NLGN4Y: variants seen among roughly 807,000 people sequenced by gnomAD.
NLGN4Y encodes neuroligin-4, Y-linked.
Under a neutral mutation model 8.4 loss-of-function variants are expected in NLGN4Y, and 4 were observed. The observed-to-expected ratio is 0.48, with a 90% CI of 0.23 to 1.09. NLGN4Y has a LOEUF of 1.09. Ranked by LOEUF, NLGN4Y falls within the 50% of genes least tolerant of loss-of-function variation. NLGN4Y has a pLI of 0.19. For missense variants in NLGN4Y, 90 were observed against 192.3 expected (o/e 0.47, Z 3.15); for synonymous variants, 35 against 75.6 (o/e 0.46, Z 2.78).
intron 4 of NLGN4Y, among the ~76,000 whole-genome samples, chrY:14,823,730 CTA>C (rs2043132498): frequency 3.0e-5 from 1 of 32,807 alleles, no homozygotes; most frequent in Non-Finnish European, 7.5e-5. Flanking sequence ...AAATTTTTCT[CTA>C]GTTTTTTCTT....
At chrY:14,620,960 C>A in intron 1 of NLGN4Y, among the ~76,000 whole-genome samples, 1 of 33,511 alleles carries the variant, frequency 3.0e-5, no homozygotes, top group Non-Finnish European at 7.4e-5. Flanking sequence ...AGAGGATACC[C>A]TCTCAGGCAT....
At chrY:14,673,179 G>A in intron 2 of NLGN4Y, among the ~76,000 whole-genome samples, 1 of 27,708 alleles carries the variant, frequency 3.6e-5, no homozygotes, top group Middle Eastern at 0.015. Context: ...TTGACAAATG[G>A]GATCTAATTA....
intron 1 of NLGN4Y, among the ~76,000 whole-genome samples, chrY:14,572,183 C>T (rs879994532): frequency 6.0e-5 from 2 of 33,085 alleles, no homozygotes; most frequent in Non-Finnish European, 1.5e-4. Flanking sequence ...ATAAATTACC[C>T]TGGACAGTAT....
At chrY:14,593,835 C>G in intron 1 of NLGN4Y, among the ~76,000 whole-genome samples, 3 of 33,311 alleles carry the variant, frequency 9.0e-5, no homozygotes, top group Non-Finnish European at 1.5e-4. Context: ...CTTCCAATGC[C>G]CAGACTTCAG....
chrY:14,746,725 C>A (rs2081025376), intron 4 of NLGN4Y, among the ~76,000 whole-genome samples: 1 of 33,098 alleles, frequency 3.0e-5, no homozygotes, highest in Non-Finnish European at 7.4e-5. Context: ...TGATCTGATT[C>A]CAAATGTCAA....
chrY:14,633,428 A>G (rs952902008), intron 2 of NLGN4Y, among the ~76,000 whole-genome samples: 2 of 33,640 alleles, frequency 5.9e-5, no homozygotes, highest in South Asian at 6.6e-4. Flanking sequence ...CCCAGGTTCA[A>G]GAGATTCTCC....
chrY:14,733,200 C>G, intron 4 of NLGN4Y, among the ~76,000 whole-genome samples: 2 of 33,892 alleles, frequency 5.9e-5, no homozygotes, highest in Non-Finnish European at 1.5e-4. Flanking sequence ...TTCATTTTCT[C>G]TATATGACTT....
intron 4 of NLGN4Y, among the ~76,000 whole-genome samples, chrY:14,755,845 G>T (rs2081055052): frequency 9.0e-5 from 3 of 33,237 alleles, no homozygotes; most frequent in African/African-American, 3.5e-4. Flanking sequence ...ACAAGATCCT[G>T]TCTCAAAAAA....
At chrY:14,610,571 G>C in intron 1 of NLGN4Y, among the ~76,000 whole-genome samples, 1 of 32,723 alleles carries the variant, frequency 3.1e-5, no homozygotes, top group African/African-American at 1.2e-4. Context: ...TCTGAGAGAT[G>C]GTTCGTTATG....
chrY:14,749,219 C>T (rs2081034832), intron 4 of NLGN4Y, among the ~76,000 whole-genome samples: 1 of 32,999 alleles, frequency 3.0e-5, no homozygotes, highest in South Asian at 6.9e-4. Context: ...CACCCACATA[C>T]GTGTATTGGT....
intron 1 of NLGN4Y, among the ~76,000 whole-genome samples, chrY:14,591,319 G>T: frequency 3.0e-5 from 1 of 33,096 alleles, no homozygotes; most frequent in Non-Finnish European, 7.4e-5. Context: ...ACTTGCCAAG[G>T]TACCTCCAGT....
At chrY:14,590,871 G>A (rs948863519) in intron 1 of NLGN4Y, among the ~76,000 whole-genome samples, 2 of 33,467 alleles carry the variant, frequency 6.0e-5, no homozygotes, top group Non-Finnish European at 1.5e-4. Context: ...TCTAGACCTC[G>A]GCGGTTTTGG....
Position 14,842,309 on chromosome Y carries a change from C to A in NLGN4Y, c.*1047C>A. On this transcript the variant is annotated 3_prime_UTR_variant, in exon 7 of 7. Coordinates refer to ENST00000684976, the MANE Select transcript of NLGN4Y (RefSeq NM_001365588.1). ...TTAGACACACACACACAGACACACA[C>A]AAAGAATCAGCAGAGAAAACAAAAT... The A allele has an allele frequency of 8.2e-6, 1 of 122,032 alleles. No homozygotes were observed. The highest frequency in any genetic ancestry group is 1.8e-5 in the Non-Finnish European group (1 of 56,234). The allele number at this position is 122,032 out of a possible 400,897, so 30.4% of individuals were successfully genotyped here. A position where few individuals can be genotyped will look rare whatever the true frequency, so the allele number is the denominator to read the frequency against.
At chrY:14,704,755 C>G in intron 2 of NLGN4Y, among the ~76,000 whole-genome samples, 1 of 33,056 alleles carries the variant, frequency 3.0e-5, no homozygotes, top group African/African-American at 1.2e-4. Context: ...CCTCCTTGTA[C>G]CTCTGGTAGA....
At position 14,622,394 on chromosome Y, in the gene NLGN4Y, A is replaced by G; in HGVS notation, c.275A>G (p.Glu92Gly). 2.5e-6 allele frequency: 1 copy of G among 397,302 alleles called. No individual in the cohort carries two copies. The highest frequency in any genetic ancestry group is 3.5e-6 in the Non-Finnish European group (1 of 283,331). ...GGAGAGAGGCGGTTTCAGCCACCAG[A>G]ATCCCCATCCTCCTGGACTGGCATC... is the stretch of plus-strand genomic sequence containing the variant. Reference protein sequence around the residue: ...PTGERRFQPPESPSSWTGIRN... With the variant: ...PTGERRFQPPGSPSSWTGIRN... The change falls in exon 2 of 7, where the codon GAA becomes GGA. Residue 92 changes from glutamate to glycine, a missense_variant. Glu to Gly is a moderately conservative substitution (Grantham distance 98, BLOSUM62 -2). Around this residue, in one of 4 missense-constraint regions of NLGN4Y, gnomAD observed 37 missense variants for 38.5 expected, o/e 0.96. Coordinates refer to ENST00000684976, the MANE Select transcript of NLGN4Y (RefSeq NM_001365588.1).
chrY:14,743,011 A>C (rs968809127), intron 4 of NLGN4Y, among the ~76,000 whole-genome samples: 11 of 33,181 alleles, frequency 3.3e-4, no homozygotes, highest in Admixed American at 1.1e-3. Flanking sequence ...GAGGAATTTT[A>C]AGTTCCACAT....
chrY:14,614,198 A>AT (rs2080479196), intron 1 of NLGN4Y, among the ~76,000 whole-genome samples: 1 of 33,835 alleles, frequency 3.0e-5, no homozygotes, highest in Non-Finnish European at 7.4e-5. Context: ...GAAGATGAGC[A>AT]TTTTTTCATG....
At chrY:14,784,892 C>G in intron 4 of NLGN4Y, among the ~76,000 whole-genome samples, 11 of 32,803 alleles carry the variant, frequency 3.4e-4, no homozygotes, top group Admixed American at 2.8e-3. Flanking sequence ...GAACAGAGAA[C>G]CAAATACTGC....
intron 2 of NLGN4Y, among the ~76,000 whole-genome samples, chrY:14,645,309 A>G (rs2080606530): frequency 3.6e-5 from 1 of 27,489 alleles, no homozygotes; most frequent in Admixed American, 3.5e-4. Context: ...AGTAGCTGGG[A>G]ACTACAGGCA....
Sources: gnomAD v4.1 joint callset for allele counts (sites outside exome capture counted in the v4.1 genomes callset) on GRCh38, gnomAD v4.1.1 for gene constraint, gnomAD v4.1.1 regional missense constraint, MANE v1.5 for transcripts, NCBI Gene and HGNC (gene_info 2026-07-23, HGNC 2026-07-21) for gene names.